Variants in ELOVL6 observed in about 807,000 individuals in gnomAD.
The protein encoded by ELOVL6 is ELOVL fatty acid elongase 6.
In ELOVL6, 8 loss-of-function variants were observed where a neutral mutation model predicts 31.7. The observed-to-expected ratio is 0.25, with a 90% confidence interval of 0.15 to 0.45. The LOEUF (loss-of-function observed/expected upper bound fraction) is 0.45. Ranked by LOEUF, ELOVL6 falls within the 20% of genes least tolerant of loss-of-function variation. The pLI, the probability that ELOVL6 is intolerant of heterozygous loss-of-function variation, is 1.00. For synonymous variants in ELOVL6, 101 were observed against 117.7 expected (o/e 0.86, Z 0.92); for missense variants, 126 against 326.4 (o/e 0.39, Z 4.73).
intron 3 of ELOVL6, among the ~76,000 whole-genome samples, chr4:110,056,133 A>G (rs1300884943): frequency 7.8e-5 from 10 of 128,476 alleles, no homozygotes; most frequent in Middle Eastern, 4.7e-3. Flanking sequence ...GGGGGGGGGG[A>G]TACAGTTTCA....
chr4:110,162,015 G>A (rs887047506), intron 1 of ELOVL6, among the ~76,000 whole-genome samples: 5 of 152,124 alleles, frequency 3.3e-5, no homozygotes, highest in African/African-American at 4.8e-5. Flanking sequence ...CTGGCTATCC[G>A]CAGGGAGGAG....
At chr4:110,177,206 G>A (rs1403858227) in intron 1 of ELOVL6, among the ~76,000 whole-genome samples, 1 of 152,152 alleles carries the variant, frequency 6.6e-6, no homozygotes, top group Non-Finnish European at 1.5e-5. Context: ...GAGAGGCTAA[G>A]GCTGGAGGAT....
chr4:110,185,509 G>A (rs1759411237), intron 1 of ELOVL6, among the ~76,000 whole-genome samples: 2 of 152,190 alleles, frequency 1.3e-5, no homozygotes, highest in Non-Finnish European at 2.9e-5. Context: ...GAGGTTTCTA[G>A]TAGGTAATAC....
chr4:110,151,980 A>T (rs1758291832), intron 1 of ELOVL6, among the ~76,000 whole-genome samples: 2 of 152,202 alleles, frequency 1.3e-5, no homozygotes, highest in South Asian at 4.1e-4. Context: ...AAAAGTCCTT[A>T]TCTGAAAATA....
rs1164696908 is a variant in ELOVL6, at chr4:110,050,232, T to C, written c.*1106A>G. ...TTTCGAACAGCCCTGTGATTTCCTT[T>C]TGGAATTCACAAAAATATCGAAAAT... On this transcript the variant is annotated 3_prime_UTR_variant, in exon 4 of 4. Coordinates refer to ENST00000302274, the MANE Select transcript of ELOVL6 (RefSeq NM_024090.3). The C allele has an allele frequency of 1.3e-5, 2 of 152,600 alleles. No individual in the cohort carries two copies. Among genetic ancestry groups the C allele is most frequent in the East Asian group, 1.9e-4 (1 of 5,196 alleles). The allele number at this position is 152,600 out of a possible 1,614,324, so 9.5% of individuals were successfully genotyped here.
chr4:110,184,753 A>G (rs1459415436), intron 1 of ELOVL6, among the ~76,000 whole-genome samples: 1 of 152,220 alleles, frequency 6.6e-6, no homozygotes, highest in African/African-American at 2.4e-5. Context: ...GAGTACTTTC[A>G]TGCTGAGCTA....
chr4:110,119,408 T>C (rs550705051), intron 1 of ELOVL6, among the ~76,000 whole-genome samples: 3 of 152,354 alleles, frequency 2.0e-5, no homozygotes, highest in Admixed American at 6.5e-5. Flanking sequence ...TAATCATCTT[T>C]ATTAGCTACT....
intron 3 of ELOVL6, among the ~76,000 whole-genome samples, chr4:110,057,854 GAA>G (rs1248115566): frequency 3.8e-5 from 5 of 131,752 alleles, no homozygotes; most frequent in South Asian, 2.4e-4. Flanking sequence ...CTGTCTCAGG[GAA>G]AAAAAAAAAA....
At chr4:110,085,387 A>C (rs1211063171) in intron 2 of ELOVL6, among the ~76,000 whole-genome samples, 2 of 152,246 alleles carry the variant, frequency 1.3e-5, no homozygotes, top group Non-Finnish European at 2.9e-5. Context: ...TCCAGTTAAT[A>C]GTCCACAGTG....
At chr4:110,059,815 A>T in intron 2 of ELOVL6, 61 bp from the exon 3 acceptor site, 1 of 1,511,900 alleles carries the variant, frequency 6.6e-7, no homozygotes, top group Non-Finnish European at 9.0e-7. Flanking sequence ...TCTCACATCA[A>T]CCATACTTAG....
intron 1 of ELOVL6, among the ~76,000 whole-genome samples, chr4:110,142,246 C>T (rs1757987004): frequency 1.3e-5 from 2 of 151,416 alleles, no homozygotes; most frequent in Non-Finnish European, 2.9e-5. Flanking sequence ...AATGTTTTAC[C>T]GTGTTAGCAA....
chr4:110,158,802 A>AG (rs1239390508), intron 1 of ELOVL6, among the ~76,000 whole-genome samples: 4 of 151,516 alleles, frequency 2.6e-5, no homozygotes, highest in Non-Finnish European at 1.5e-5. Flanking sequence ...CTGGGACTAC[A>AG]GGCGCATGCC....
At chr4:110,190,818 T>TC (rs1759593803) in intron 1 of ELOVL6, among the ~76,000 whole-genome samples, 1 of 151,074 alleles carries the variant, frequency 6.6e-6, no homozygotes, top group East Asian at 1.9e-4. Context: ...TTTTTTTTTT[T>TC]CAATTTTTGT....
chr4:110,195,437 A>T (rs377154164), intron 1 of ELOVL6, among the ~76,000 whole-genome samples: 2 of 152,290 alleles, frequency 1.3e-5, no homozygotes, highest in East Asian at 3.9e-4. Context: ...TTAAATTTTA[A>T]AAAGTGTTTA....
intron 2 of ELOVL6, among the ~76,000 whole-genome samples, chr4:110,082,752 T>C (rs1332722437): frequency 1.3e-5 from 2 of 152,012 alleles, no homozygotes; most frequent in Non-Finnish European, 2.9e-5. Flanking sequence ...AATAAAAAAA[T>C]AAATAAAAAA....
intron 2 of ELOVL6, among the ~76,000 whole-genome samples, chr4:110,078,823 G>T (rs1755739903): frequency 1.3e-5 from 2 of 152,196 alleles, no homozygotes; most frequent in Admixed American, 1.3e-4. Context: ...AGACCCATCA[G>T]TGTGCTATAT....
intron 1 of ELOVL6, among the ~76,000 whole-genome samples, chr4:110,140,231 T>A (rs2126260880): frequency 6.6e-6 from 1 of 152,318 alleles, no homozygotes; most frequent in South Asian, 2.1e-4. Flanking sequence ...CACAAGATGA[T>A]AAAGCTAGGG....
At chr4:110,098,755 G>C (rs1482486451) in intron 2 of ELOVL6, among the ~76,000 whole-genome samples, 1 of 151,902 alleles carries the variant, frequency 6.6e-6, no homozygotes, top group Non-Finnish European at 1.5e-5. Context: ...TTCCAATTTT[G>C]CTTGTTACTT....
intron 2 of ELOVL6, among the ~76,000 whole-genome samples, chr4:110,079,450 T>A (rs1463024070): frequency 6.6e-6 from 1 of 151,786 alleles, no homozygotes; most frequent in Non-Finnish European, 1.5e-5. Context: ...TCAAAACCGC[T>A]CAACTACATG....
Sources: allele counts gnomAD v4.1 joint callset (sites outside exome capture counted in the v4.1 genomes callset), GRCh38; gene constraint gnomAD v4.1.1; transcripts MANE v1.5; gene names NCBI Gene and HGNC (gene_info 2026-07-23, HGNC 2026-07-21).